FOXP1: variants seen among roughly 807,000 people sequenced by gnomAD.
The protein encoded by FOXP1 is forkhead box protein P1.
FOXP1 carries 15 observed loss-of-function variants against 98.2 expected under a neutral mutation model. That is an observed-to-expected ratio of 0.15 (90% CI 0.10 to 0.24). The LOEUF is 0.24. Among genes scored for constraint, FOXP1 ranks in the 10% least tolerant of loss-of-function variants. The probability of loss-of-function intolerance (pLI) is 1.00; values close to 1 mark genes in which losing one functional copy is unlikely to be tolerated. For missense variants in FOXP1, 633 were observed against 848.5 expected (o/e 0.75, Z 3.15); for synonymous variants, 371 against 314.5 (o/e 1.18, Z -1.90).
intron 7 of FOXP1, among the ~76,000 whole-genome samples, chr3:71,087,081 G>C (rs752303573): frequency 1.3e-5 from 2 of 152,188 alleles, no homozygotes; most frequent in Non-Finnish European, 2.9e-5. Flanking sequence ...GAAACAAAGT[G>C]AGATAAAGAG....
intron 7 of FOXP1, among the ~76,000 whole-genome samples, chr3:71,088,149 A>G (rs1234936066): frequency 2.0e-5 from 3 of 152,184 alleles, no homozygotes; most frequent in African/African-American, 7.2e-5. Flanking sequence ...AAGAGCAACC[A>G]AGCTTGTTTC....
intron 3 of FOXP1, among the ~76,000 whole-genome samples, chr3:71,368,089 T>C (rs1033771742): frequency 1.3e-5 from 2 of 152,238 alleles, no homozygotes; most frequent in Admixed American, 6.5e-5. Flanking sequence ...GAAGACAGGC[T>C]CTTAGTTGGG....
intron 14 of FOXP1, among the ~76,000 whole-genome samples, chr3:70,986,488 G>C (rs2039758589): frequency 6.6e-6 from 1 of 152,190 alleles, no homozygotes; most frequent in African/African-American, 2.4e-5. Context: ...TTCAATCTGG[G>C]AAAACCATTT....
chr3:71,249,128 T>C (rs1262336987), intron 5 of FOXP1, among the ~76,000 whole-genome samples: 3 of 152,346 alleles, frequency 2.0e-5, no homozygotes, highest in South Asian at 4.1e-4. Flanking sequence ...TTTAGAGTCA[T>C]GTGGATGCCA....
chr3:71,334,701 T>C (rs945786528), intron 4 of FOXP1: 8 of 152,144 alleles, frequency 5.3e-5, no homozygotes, highest in African/African-American at 1.9e-4. Flanking sequence ...CAGTAAAGAT[T>C]GTGGTTTAAG....
chr3:71,228,513 CAG>C (rs1176140416), intron 5 of FOXP1, among the ~76,000 whole-genome samples: 1 of 152,148 alleles, frequency 6.6e-6, no homozygotes, highest in Non-Finnish European at 1.5e-5. Flanking sequence ...TAAATACAGT[CAG>C]TGTCAGGAAG....
At chr3:71,037,211 G>T (rs1044046759) in intron 11 of FOXP1, among the ~76,000 whole-genome samples, 1 of 152,148 alleles carries the variant, frequency 6.6e-6, no homozygotes, top group Non-Finnish European at 1.5e-5. Flanking sequence ...GTGAGTTCTT[G>T]TCCCTTTCCC....
intron 4 of FOXP1, among the ~76,000 whole-genome samples, chr3:71,307,539 G>A (rs768788700): frequency 6.6e-6 from 1 of 152,192 alleles, no homozygotes; most frequent in African/African-American, 2.4e-5. Flanking sequence ...TGAAGACGCT[G>A]ATTTTGTCCA....
At chr3:71,161,796 G>A (rs1429350947) in intron 6 of FOXP1, among the ~76,000 whole-genome samples, 1 of 152,152 alleles carries the variant, frequency 6.6e-6, no homozygotes, top group Non-Finnish European at 1.5e-5. Flanking sequence ...CTGTTAAGTG[G>A]TTATAATTTT....
chr3:71,582,172 T>G, intron 1 of FOXP1: 2 of 982,872 alleles, frequency 2.0e-6, no homozygotes, highest in Non-Finnish European at 2.4e-6. Flanking sequence ...CCCGTGTGTG[T>G]CACTGCCAGT....
intron 3 of FOXP1, among the ~76,000 whole-genome samples, chr3:71,436,486 T>TC (rs35341153): frequency 0.75 from 114,018 of 151,966 alleles, 44,500 homozygotes; most frequent in Non-Finnish European, 0.81. Flanking sequence ...AAATACCCCA[T>TC]CTATCGTCCC....
intron 4 of FOXP1, among the ~76,000 whole-genome samples, chr3:71,330,349 G>A (rs1188094287): frequency 6.6e-6 from 1 of 152,010 alleles, no homozygotes; most frequent in East Asian, 1.9e-4. Context: ...ATAAAATATT[G>A]TAAGTCACTT....
intron 4 of FOXP1, among the ~76,000 whole-genome samples, chr3:71,343,139 G>T (rs536034197): frequency 1.2e-3 from 184 of 152,316 alleles, no homozygotes; most frequent in Admixed American, 3.8e-3. Flanking sequence ...TTTCCAGTTT[G>T]CTCTGACACT....
At chr3:71,116,161 T>G (rs2058360636) in intron 6 of FOXP1, among the ~76,000 whole-genome samples, 1 of 152,172 alleles carries the variant, frequency 6.6e-6, no homozygotes, top group Non-Finnish European at 1.5e-5. Context: ...CATTTCAAAA[T>G]TAGCTACTGG....
At chr3:71,064,247 T>C (rs1188026537) in intron 7 of FOXP1, among the ~76,000 whole-genome samples, 1 of 152,006 alleles carries the variant, frequency 6.6e-6, no homozygotes, top group Non-Finnish European at 1.5e-5. Flanking sequence ...AAGCTGAAAA[T>C]AGCCTAGACA....
chr3:71,541,260 G>T (rs1421335968), intron 2 of FOXP1, among the ~76,000 whole-genome samples: 1 of 152,184 alleles, frequency 6.6e-6, no homozygotes, highest in Admixed American at 6.5e-5. Context: ...CCTGTTAAAA[G>T]AGAAGAATAA....
intron 2 of FOXP1, among the ~76,000 whole-genome samples, chr3:71,557,792 T>C (rs2046247571): frequency 6.6e-6 from 1 of 152,168 alleles, no homozygotes; most frequent in Non-Finnish European, 1.5e-5. Context: ...AGGGCCTCCC[T>C]GCAAACCTGT....
intron 4 of FOXP1, among the ~76,000 whole-genome samples, chr3:71,303,516 G>A (rs1413611534): frequency 2.0e-5 from 3 of 152,256 alleles, no homozygotes; most frequent in South Asian, 2.1e-4. Context: ...CCAAGAGTTT[G>A]CTGCCTCTTT....
At chr3:71,156,356 A>AG (rs1241632995) in intron 6 of FOXP1, among the ~76,000 whole-genome samples, 1 of 152,182 alleles carries the variant, frequency 6.6e-6, no homozygotes, top group African/African-American at 2.4e-5. Context: ...CACTGAACAC[A>AG]GAGAGGTAAA....
Sources: allele counts gnomAD v4.1 joint callset (sites outside exome capture counted in the v4.1 genomes callset), GRCh38; gene constraint gnomAD v4.1.1; transcripts MANE v1.5; gene names NCBI Gene and HGNC (gene_info 2026-07-23, HGNC 2026-07-21).